The following SOX1 variants were observed in gnomAD, a reference collection of about 807,000 sequenced individuals.
SOX1 encodes transcription factor SOX-1.
SOX1 carries 1 observed loss-of-function variant against 0.9 expected under a neutral mutation model. The ratio of observed to expected loss-of-function variants is 1.07; its 90% CI spans 0.38 to 5.06. SOX1 has a LOEUF of 5.06. Ranked by LOEUF, SOX1 falls within the 30% of genes most tolerant of loss-of-function variation. SOX1 has a pLI of 0.16. For synonymous variants in SOX1, 397 were observed against 265.5 expected (o/e 1.50, Z -4.81); for missense variants, 564 against 534.4 (o/e 1.06, Z -0.55).
In SOX1 at chr13:112,068,627, C is replaced by G; in HGVS notation, c.969C>G (p.Ser323Arg). 8.7e-7 allele frequency: 1 copy of G among 1,148,530 alleles called. No homozygotes were observed. The highest frequency in any genetic ancestry group is 1.1e-6 in the Non-Finnish European group (1 of 935,174). 71.1% of individuals were successfully genotyped at this position (1,148,530 alleles called of 1,614,324 possible). Residue 323 changes from serine to arginine, a missense_variant, in exon 1 of 1, where the codon AGC becomes AGG. Coordinates refer to ENST00000330949, the MANE Select transcript of SOX1 (RefSeq NM_005986.3). The surrounding 1 kb of genome is among the most constrained non-coding windows in gnomAD (Gnocchi z 6.9). ...ALGSLVKSEP[S>R]GSPPAPAHSR... ...GCTCTCTGGTGAAGTCGGAGCCCAG[C>G]GGCAGCCCGCCCGCCCCAGCGCACT...
At position 112,067,245 on chromosome 13, in the gene SOX1, C is replaced by T. The variant is rs1405594528; in HGVS notation, c.-414C>T. ...ACCGAGCGCAGGAGGAAGGAGACAG[C>T]GCGCAGCGGCGGCCGGCGAGGAGAC... On this transcript the variant is annotated 5_prime_UTR_variant, in exon 1 of 1. Coordinates refer to ENST00000330949, the MANE Select transcript of SOX1 (RefSeq NM_005986.3). The surrounding 1 kb of genome is among the most constrained non-coding windows in gnomAD (Gnocchi z 5.1). Among the ~76,000 whole-genome samples the T allele has an allele frequency of 6.6e-6, 1 of 152,052 alleles. No individual in the cohort carries two copies. Among genetic ancestry groups the T allele is most frequent in the Non-Finnish European group, 1.5e-5 (1 of 68,002 alleles).
chr13:112,068,334 G>GCGCACCCCGCGCACCCGCACC lies in SOX1; in HGVS notation c.683_703dup (p.Pro228_His234dup). On this transcript the variant is annotated inframe_insertion, in exon 1 of 1. Coordinates refer to ENST00000330949, the MANE Select transcript of SOX1 (RefSeq NM_005986.3). This position sits in a 1 kb window ranked among gnomAD's most constrained non-coding sequence, Gnocchi z 6.9. ...GGGCGCGGGCGGCGCGCACCCGCAC[G>GCGCACCCCGCGCACCCGCACC]CGCACCCCGCGCACCCGCACCCGCA... 2 of 1,168,804 alleles carry GCGCACCCCGCGCACCCGCACC rather than the reference G, an allele frequency of 1.7e-6. No individual in the cohort carries two copies. The highest frequency in any genetic ancestry group is 3.9e-5 in the South Asian group (2 of 51,576). 72.4% of individuals were successfully genotyped at this position (1,168,804 alleles called of 1,614,324 possible).
In SOX1 at chr13:112,068,231, C is replaced by A. The variant is rs917695254; in HGVS notation, c.573C>A (p.Ala191=). 2.7e-6 allele frequency: 2 copies of A among 741,764 alleles called. No individual in the cohort carries two copies. The highest frequency in any genetic ancestry group is 1.9e-5 in the African/African-American group (1 of 51,576). 45.9% of individuals were successfully genotyped at this position (741,764 alleles called of 1,614,324 possible). A position where few individuals can be genotyped will look rare whatever the true frequency, so the allele number is the denominator to read the frequency against. ...YAHVNGWANG[A]YPGSVAAAAA... ...ACGTCAACGGCTGGGCCAACGGCGCCTACCCCGGCTCGGTGGCGGCGGCGG... is the reference window on the plus strand; with the variant it reads ...ACGTCAACGGCTGGGCCAACGGCGCATACCCCGGCTCGGTGGCGGCGGCGG... Residue 191 remains alanine, a synonymous_variant, in exon 1 of 1, where the codon GCC becomes GCA. Transcript: ENST00000330949. This position sits in a 1 kb window ranked among gnomAD's most constrained non-coding sequence, Gnocchi z 6.9.
In SOX1 at chr13:112,067,176, C is replaced by T. The variant is rs1319224736; in HGVS notation, c.-483C>T. Among the ~76,000 whole-genome samples the T allele has an allele frequency of 6.6e-6, 1 of 151,716 alleles. No individual in the cohort carries two copies. Among genetic ancestry groups the T allele is most frequent in the Non-Finnish European group, 1.5e-5 (1 of 67,862 alleles). The stretch of plus-strand genomic sequence containing the variant: ...CACATGCCCAGCGCACGCGGCGCGC[C>T]GCCCTGCTAGAAGTTGCAGCCTCCG... On this transcript the variant is annotated 5_prime_UTR_variant, in exon 1 of 1. Coordinates refer to ENST00000330949, the MANE Select transcript of SOX1 (RefSeq NM_005986.3). The surrounding 1 kb of genome is among the most constrained non-coding windows in gnomAD (Gnocchi z 5.1).
In SOX1 at chr13:112,067,578, C is replaced by T. The variant is rs530891950; in HGVS notation, c.-81C>T. 11 of 671,804 alleles carry T rather than the reference C, an allele frequency of 1.6e-5. No homozygotes were observed. In the South Asian group the frequency reaches 5.7e-4, roughly 35 times the overall value. 41.6% of individuals were successfully genotyped at this position (671,804 alleles called of 1,614,324 possible). On this transcript the variant is annotated 5_prime_UTR_variant, in exon 1 of 1. Transcript: ENST00000330949. The surrounding 1 kb of genome is among the most constrained non-coding windows in gnomAD (Gnocchi z 5.1). ...GCCCCCGTCTCACTCCGTCTGAATTCCTCTCCGTCTCCCTCCCACCCCGGC... is the reference window on the plus strand; with the variant it reads ...GCCCCCGTCTCACTCCGTCTGAATTTCTCTCCGTCTCCCTCCCACCCCGGC...
chr13:112,068,343 GCGCACC>G lies in SOX1; in HGVS notation c.698_703del (p.Pro233_His234del), dbSNP rs764819870. 2,261 of 1,215,636 alleles carry G rather than the reference GCGCACC, an allele frequency of 1.9e-3. 14 individuals are homozygous for G. Among genetic ancestry groups the G allele is most frequent in the South Asian group, 8.6e-3 (523 of 60,510 alleles). 75.3% of individuals were successfully genotyped at this position (1,215,636 alleles called of 1,614,324 possible). A position where few individuals can be genotyped will look rare whatever the true frequency, so the allele number is the denominator to read the frequency against. ...CGGCGCGCACCCGCACGCGCACCCC[GCGCACC>G]CGCACCCGCACCACCCGCACGCGCA... is the stretch of plus-strand genomic sequence containing the variant. On this transcript the variant is annotated inframe_deletion, in exon 1 of 1. Coordinates refer to ENST00000330949, the MANE Select transcript of SOX1 (RefSeq NM_005986.3). The surrounding 1 kb of genome is among the most constrained non-coding windows in gnomAD (Gnocchi z 6.9).
In SOX1 at chr13:112,071,646, A is replaced by G. The variant is rs1268966621; in HGVS notation, c.*2812A>G. 6.6e-6 allele frequency among the ~76,000 whole-genome samples: 1 copy of G among 152,198 alleles called. No homozygotes were observed. On this transcript the variant is annotated 3_prime_UTR_variant, in exon 1 of 1. Transcript: ENST00000330949. ...ACTCATCGTATTCACGGAGTGAAAT[A>G]CTATATGATGATAGTTATTATATTA...
At position 112,070,416 on chromosome 13, in the gene SOX1, T is replaced by G. The variant is rs1880859112; in HGVS notation, c.*1582T>G. 1 of 166,836 alleles carries G rather than the reference T, an allele frequency of 6.0e-6. No individual in the cohort carries two copies. The highest frequency in any genetic ancestry group is 1.5e-5 in the Non-Finnish European group (1 of 68,102). The allele number at this position is 166,836 out of a possible 1,614,324, so 10.3% of individuals were successfully genotyped here. Reference sequence around the variant, plus strand: ...TATTGGTACATTGCAGTTTTTTTTTTGAAATTTAAAAATTTCTGTAAAACT... The same window carrying G: ...TATTGGTACATTGCAGTTTTTTTTTGGAAATTTAAAAATTTCTGTAAAACT... On this transcript the variant is annotated 3_prime_UTR_variant, in exon 1 of 1. Transcript: ENST00000330949.
Position 112,068,181 on chromosome 13 carries a change from G to A in SOX1, c.523G>A (p.Gly175Ser). 9.5e-6 allele frequency: 8 copies of A among 843,642 alleles called. No individual in the cohort carries two copies. The highest frequency in any genetic ancestry group is 1.1e-5 in the Non-Finnish European group (8 of 698,840). The allele number at this position is 843,642 out of a possible 1,614,324, so 52.3% of individuals were successfully genotyped here. A position where few individuals can be genotyped will look rare whatever the true frequency, so the allele number is the denominator to read the frequency against. The change falls in exon 1 of 1, where the codon GGC becomes AGC. Residue 175 changes from glycine (G) to serine (S), a missense_variant. Physicochemically the swap from Gly to Ser is moderately conservative, Grantham distance 56. Coordinates refer to ENST00000330949, the MANE Select transcript of SOX1 (RefSeq NM_005986.3). This position sits in a 1 kb window ranked among gnomAD's most constrained non-coding sequence, Gnocchi z 6.9. ...AVGQRLESPG[G>S]AAGGGYAHVN... ...GGGCCAGCGCCTGGAGAGCCCAGGC[G>A]GCGCGGCGGGCGGCGGCTACGCGCA... is the stretch of plus-strand genomic sequence containing the variant.
At position 112,068,905 on chromosome 13, in the gene SOX1, GC is replaced by G. The variant is rs953026565; in HGVS notation, c.*75del. 5 of 1,134,410 alleles carry G rather than the reference GC, an allele frequency of 4.4e-6. No individual in the cohort carries two copies. In the African/African-American group the frequency reaches 6.6e-5, roughly 15 times the overall value. 70.3% of individuals were successfully genotyped at this position (1,134,410 alleles called of 1,614,324 possible). A position where few individuals can be genotyped will look rare whatever the true frequency, so the allele number is the denominator to read the frequency against. On this transcript the variant is annotated 3_prime_UTR_variant, in exon 1 of 1. Transcript: ENST00000330949. The surrounding 1 kb of genome is among the most constrained non-coding windows in gnomAD (Gnocchi z 6.9). ...GCGGCCCGCGCCCGGCTCCCGCCCCGCCCCGGCGCGGCGTGGCTTTTGTACA... is the reference window on the plus strand; with the variant it reads ...GCGGCCCGCGCCCGGCTCCCGCCCCGCCCGGCGCGGCGTGGCTTTTGTACA...
rs1266821135 is a variant in SOX1, at chr13:112,068,415, G to A, written c.757G>A (p.Ala253Thr). ...PQPMHRYDMGALQYSPISNSQ... is the reference protein window; with the variant it reads ...PQPMHRYDMGTLQYSPISNSQ... ...GCCCATGCACCGCTACGACATGGGCGCGCTGCAGTACAGCCCCATCTCCAA... is the reference window on the plus strand; with the variant it reads ...GCCCATGCACCGCTACGACATGGGCACGCTGCAGTACAGCCCCATCTCCAA... The change falls in exon 1 of 1, where the codon GCG becomes ACG. Residue 253 changes from alanine (A) to threonine (T), a missense_variant. Physicochemically the swap from Ala to Thr is moderately conservative, Grantham distance 58 (BLOSUM62 0). Coordinates refer to ENST00000330949, the MANE Select transcript of SOX1 (RefSeq NM_005986.3). The surrounding 1 kb of genome is among the most constrained non-coding windows in gnomAD (Gnocchi z 6.9). 1.2e-5 allele frequency: 16 copies of A among 1,297,398 alleles called. No individual in the cohort carries two copies. The highest frequency in any genetic ancestry group is 1.5e-5 in the Non-Finnish European group (15 of 1,003,176). 80.4% of individuals were successfully genotyped at this position (1,297,398 alleles called of 1,614,324 possible). A position where few individuals can be genotyped will look rare whatever the true frequency, so the allele number is the denominator to read the frequency against.
Position 112,068,418 on chromosome 13 carries a change from C to G in SOX1, c.760C>G (p.Leu254Val). 1 of 1,297,576 alleles carries G rather than the reference C, an allele frequency of 7.7e-7. No individual in the cohort carries two copies. The highest frequency in any genetic ancestry group is 1.0e-6 in the Non-Finnish European group (1 of 1,003,328). 80.4% of individuals were successfully genotyped at this position (1,297,576 alleles called of 1,614,324 possible). ...CATGCACCGCTACGACATGGGCGCG[C>G]TGCAGTACAGCCCCATCTCCAACTC... The part of the protein sequence containing the change: ...QPMHRYDMGA[L>V]QYSPISNSQG... Residue 254 changes from leucine to valine, a missense_variant, in exon 1 of 1, where the codon CTG (leucine) becomes GTG (valine). Leu to Val is a conservative substitution (Grantham distance 32). Coordinates refer to ENST00000330949, the MANE Select transcript of SOX1 (RefSeq NM_005986.3). The surrounding 1 kb of genome is among the most constrained non-coding windows in gnomAD (Gnocchi z 6.9).
rs1880742246 is a variant in SOX1, at chr13:112,067,340, T to C, written c.-319T>C. ...AGCGGAGCTGCAACTTGGCCACGAC[T>C]GCACCTGTTTGCACCGCTCCGCCGA... On this transcript the variant is annotated 5_prime_UTR_variant, in exon 1 of 1. Coordinates refer to ENST00000330949, the MANE Select transcript of SOX1 (RefSeq NM_005986.3). The surrounding 1 kb of genome is among the most constrained non-coding windows in gnomAD (Gnocchi z 5.1). Among the ~76,000 whole-genome samples, 1 of 152,134 alleles carries C rather than the reference T, an allele frequency of 6.6e-6. No homozygotes were observed. The highest frequency in any genetic ancestry group is 1.5e-5 in the Non-Finnish European group (1 of 68,016).
chr13:112,069,302 C>T lies in SOX1; in HGVS notation c.*468C>T, dbSNP rs1197243706. 1 of 167,142 alleles carries T rather than the reference C, an allele frequency of 6.0e-6. No homozygotes were observed. Among genetic ancestry groups the T allele is most frequent in the Non-Finnish European group, 1.5e-5 (1 of 68,152 alleles). 10.4% of individuals were successfully genotyped at this position (167,142 alleles called of 1,614,324 possible). A position where few individuals can be genotyped will look rare whatever the true frequency, so the allele number is the denominator to read the frequency against. Reference sequence around the variant, plus strand: ...ATAAATGTAGTAAGGCAGGTCCAAGCACTTACAAGTTTTTTGTAGTTGTTA... The same window carrying T: ...ATAAATGTAGTAAGGCAGGTCCAAGTACTTACAAGTTTTTTGTAGTTGTTA... On this transcript the variant is annotated 3_prime_UTR_variant, in exon 1 of 1. Coordinates refer to ENST00000330949, the MANE Select transcript of SOX1 (RefSeq NM_005986.3).
At position 112,070,406 on chromosome 13, in the gene SOX1, GTTT is replaced by G. The variant is rs34561530; in HGVS notation, c.*1580_*1582del. 6.2e-6 allele frequency: 1 copy of G among 161,524 alleles called. No individual in the cohort carries two copies. Among genetic ancestry groups the G allele is most frequent in the Admixed American group, 6.7e-5 (1 of 14,912 alleles). The allele number at this position is 161,524 out of a possible 1,614,324, so 10.0% of individuals were successfully genotyped here. ...TCTAGGTGTTTATTGGTACATTGCAGTTTTTTTTTTGAAATTTAAAAATTTCTG... is the reference window on the plus strand; with the variant it reads ...TCTAGGTGTTTATTGGTACATTGCAGTTTTTTTGAAATTTAAAAATTTCTG... On this transcript the variant is annotated 3_prime_UTR_variant, in exon 1 of 1. Coordinates refer to ENST00000330949, the MANE Select transcript of SOX1 (RefSeq NM_005986.3).
Position 112,067,489 on chromosome 13 carries a change from T to G in SOX1, c.-170T>G, listed in dbSNP as rs1032609873. ...CGAACCGGCGCCGAGTGCGTGTGTT[T>G]CTGCCTTTTTTTGTTGTCGTTGCCT... On this transcript the variant is annotated 5_prime_UTR_variant, in exon 1 of 1. Coordinates refer to ENST00000330949, the MANE Select transcript of SOX1 (RefSeq NM_005986.3). This position sits in a 1 kb window ranked among gnomAD's most constrained non-coding sequence, Gnocchi z 5.1. 4.6e-5 allele frequency among the ~76,000 whole-genome samples: 7 copies of G among 152,066 alleles called. No individual in the cohort carries two copies. Among genetic ancestry groups the G allele is most frequent in the Non-Finnish European group, 1.0e-4 (7 of 68,004 alleles).
rs972601470 is a variant in SOX1, at chr13:112,068,946, C to G, written c.*112C>G. 8.2e-6 allele frequency: 7 copies of G among 851,650 alleles called. No homozygotes were observed. Among genetic ancestry groups the G allele is most frequent in the Non-Finnish European group, 1.1e-5 (7 of 653,048 alleles). The allele number at this position is 851,650 out of a possible 1,614,324, so 52.8% of individuals were successfully genotyped here. ...GCTTTTGTACAGACGTTCCCACATT[C>G]TTGTCAAAAGGAAAATACTGGAGAC... On this transcript the variant is annotated 3_prime_UTR_variant, in exon 1 of 1. Coordinates refer to ENST00000330949, the MANE Select transcript of SOX1 (RefSeq NM_005986.3). This position sits in a 1 kb window ranked among gnomAD's most constrained non-coding sequence, Gnocchi z 6.9.
Position 112,070,481 on chromosome 13 carries a change from A to C in SOX1, c.*1647A>C, listed in dbSNP as rs984947985. The C allele has an allele frequency of 6.0e-6, 1 of 166,838 alleles. No individual in the cohort carries two copies. Among genetic ancestry groups the C allele is most frequent in the African/African-American group, 2.4e-5 (1 of 41,388 alleles). 10.3% of individuals were successfully genotyped at this position (166,838 alleles called of 1,614,324 possible). On this transcript the variant is annotated 3_prime_UTR_variant, in exon 1 of 1. Transcript: ENST00000330949. ...TCTGACAGCATTAAATATTGCATTT[A>C]AAAATTATACTGTAGCAAATACATT...
At position 112,069,966 on chromosome 13, in the gene SOX1, T is replaced by C. The variant is rs1022162751; in HGVS notation, c.*1132T>C. 1.8e-5 allele frequency: 3 copies of C among 167,184 alleles called. No individual in the cohort carries two copies. The highest frequency in any genetic ancestry group is 4.4e-5 in the Non-Finnish European group (3 of 68,206). The allele number at this position is 167,184 out of a possible 1,614,324, so 10.4% of individuals were successfully genotyped here. On this transcript the variant is annotated 3_prime_UTR_variant, in exon 1 of 1. Transcript: ENST00000330949. ...CTGGCTGGGGGTCTGCGCCACAGTT[T>C]GGTCCAGAGGAGGGAGGAGGAAGGG...
Sources: gnomAD v4.1 joint callset for allele counts (sites outside exome capture counted in the v4.1 genomes callset) on GRCh38, gnomAD v4.1.1 for gene constraint, Gnocchi (gnomAD v3.1) non-coding constraint, MANE v1.5 for transcripts, NCBI Gene and HGNC (gene_info 2026-07-23, HGNC 2026-07-21) for gene names.